TNKS: variants seen among roughly 807,000 people sequenced by gnomAD.
The protein encoded by TNKS is poly [ADP-ribose] polymerase tankyrase-1.
A neutral mutation model predicts 135.8 loss-of-function variants in TNKS; 72 were observed. That is an observed-to-expected ratio of 0.53 (90% CI 0.44 to 0.64). The LOEUF (loss-of-function observed/expected upper bound fraction) is 0.64, where lower values mean the gene tolerates loss of function less well. Among genes scored for constraint, TNKS ranks in the 30% least tolerant of loss-of-function variants. The pLI, the probability that TNKS is intolerant of heterozygous loss-of-function variation, is 0.00. For missense variants in TNKS, 1,769 were observed against 1,674.0 expected (o/e 1.06, Z -0.99); for synonymous variants, 849 against 649.3 (o/e 1.31, Z -4.68).
intron 17 of TNKS, among the ~76,000 whole-genome samples, chr8:9,744,955 A>C (rs186360849): frequency 7.9e-5 from 12 of 152,348 alleles, no homozygotes; most frequent in Admixed American, 7.2e-4. Flanking sequence ...CACATACAGA[A>C]ACAGGTAATT....
At chr8:9,743,895 T>G (rs1372184908) in intron 17 of TNKS, among the ~76,000 whole-genome samples, 1 of 152,226 alleles carries the variant, frequency 6.6e-6, no homozygotes, top group African/African-American at 2.4e-5. Flanking sequence ...CTGTGTTAAA[T>G]AAACACAGAT....
chr8:9,643,376 C>T (rs1447527124), intron 3 of TNKS, among the ~76,000 whole-genome samples: 1 of 145,522 alleles, frequency 6.9e-6, no homozygotes, highest in Non-Finnish European at 1.5e-5. Context: ...AGCAGGAGAG[C>T]AAGAAGGGAC....
At chr8:9,617,545 T>A (rs1396423431) in intron 3 of TNKS, among the ~76,000 whole-genome samples, 1 of 152,242 alleles carries the variant, frequency 6.6e-6, no homozygotes, top group Non-Finnish European at 1.5e-5. Flanking sequence ...TCTACATTCA[T>A]GCTATATAAT....
chr8:9,776,710 G>C lies in TNKS; in HGVS notation c.3958G>C (p.Ala1320Pro). Residue 1320 changes from alanine (A) to proline (P), a missense_variant, in exon 27 of 27, where the codon GCA becomes CCA. This residue lies in a region of TNKS where 722 missense variants were observed against 688.9 expected (regional missense o/e 1.05). Transcript: ENST00000310430. Reference protein sequence around the residue: ...IMKPEAPSQTATAAEQKT With the variant: ...IMKPEAPSQTPTAAEQKT ...GAAGCCAGAAGCCCCTTCCCAGACCGCAACAGCCGCAGAGCAGAAGACCTA... is the reference window on the plus strand; with the variant it reads ...GAAGCCAGAAGCCCCTTCCCAGACCCCAACAGCCGCAGAGCAGAAGACCTA... The C allele has an allele frequency of 1.9e-6, 3 of 1,613,892 alleles. No individual in the cohort carries two copies. Among genetic ancestry groups the C allele is most frequent in the Non-Finnish European group, 2.5e-6 (3 of 1,179,896 alleles).
At chr8:9,693,099 ATATTT>A (rs1563171071) in intron 5 of TNKS, among the ~76,000 whole-genome samples, 1 of 152,194 alleles carries the variant, frequency 6.6e-6, no homozygotes, top group Non-Finnish European at 1.5e-5. Context: ...GGCTAATGTA[ATATTT>A]TATTTTTAGA....
chr8:9,704,849 T>C, intron 6 of TNKS, 92 bp downstream of exon 6: 1 of 916,656 alleles, frequency 1.1e-6, no homozygotes, highest in South Asian at 1.8e-5. Context: ...ATGTCCCATT[T>C]GTTACGGCTT....
Position 9,733,351 on chromosome 8 carries a change from G to T in TNKS, c.2220G>T (p.Gly740=), listed in dbSNP as rs375885858. 2.5e-6 allele frequency: 4 copies of T among 1,612,258 alleles called. No homozygotes were observed. Among genetic ancestry groups the T allele is most frequent in the Non-Finnish European group, 3.4e-6 (4 of 1,179,410 alleles). ...TGGCTGAGCTTTTAGTAAGGCATGG[G>T]GCTTCTGTCAATGTGGCGGACTTAT... ...YEVAELLVRH[G]ASVNVADLWK... is the part of the protein sequence containing the mutation. The change falls in exon 15 of 27, where the codon GGG becomes GGT. Residue 740 remains glycine (G), a synonymous_variant. Coordinates refer to ENST00000310430, the MANE Select transcript of TNKS (RefSeq NM_003747.3).
At chr8:9,770,554 T>C (rs1051692241) in intron 26 of TNKS, among the ~76,000 whole-genome samples, 2 of 152,206 alleles carry the variant, frequency 1.3e-5, no homozygotes, top group Non-Finnish European at 1.5e-5. Flanking sequence ...AACTAATGCC[T>C]TGTGCCACTT....
chr8:9,580,187 C>T lies in TNKS; in HGVS notation c.702C>T (p.His234=), dbSNP rs375073918. 1 of 1,614,114 alleles carries T rather than the reference C, an allele frequency of 6.2e-7. No individual in the cohort carries two copies. Among genetic ancestry groups the T allele is most frequent in the African/African-American group, 1.3e-5 (1 of 75,034 alleles). ...AGFGRKDVVE[H]LLQMGANVHA... is the part of the protein sequence containing the mutation. ...TTGGAAGGAAGGATGTTGTAGAACA[C>T]TTACTACAGATGGGTGCTAATGTCC... The change falls in exon 2 of 27, where the codon CAC becomes CAT. Residue 234 remains histidine (H), a synonymous_variant. Transcript: ENST00000310430.
chr8:9,698,092 C>T (rs1251364203), intron 5 of TNKS, among the ~76,000 whole-genome samples: 2 of 151,852 alleles, frequency 1.3e-5, no homozygotes, highest in Non-Finnish European at 2.9e-5. Context: ...GAAGTCATGC[C>T]CTTTGCAGCA....
chr8:9,672,676 ACACATACACAC>A (rs1802338288), intron 3 of TNKS, among the ~76,000 whole-genome samples: 2 of 114,432 alleles, frequency 1.7e-5, no homozygotes, highest in Non-Finnish European at 3.7e-5. Context: ...AAAAAAAAAA[ACACATACACAC>A]ACACACACAC....
At chr8:9,623,434 CTT>C (rs80125974) in intron 3 of TNKS, among the ~76,000 whole-genome samples, 114,429 of 141,152 alleles carry the variant, frequency 0.81, 46,322 homozygotes, top group Middle Eastern at 0.87. Flanking sequence ...GTGAAACACA[CTT>C]TTTTTTTTTT....
rs772466595 is a variant in TNKS, at chr8:9,580,338, C to T, written c.853C>T (p.Pro285Ser). The change falls in exon 2 of 27, where the codon CCT becomes TCT. Residue 285 changes from proline (P) to serine (S), a missense_variant. Pro to Ser is a moderately conservative substitution (Grantham distance 74). Around this residue, in one of 5 missense-constraint regions of TNKS, gnomAD observed 523 missense variants for 541.0 expected, o/e 0.97. Coordinates refer to ENST00000310430, the MANE Select transcript of TNKS (RefSeq NM_003747.3). Reference protein sequence around the residue: ...PNARDNWNYTPLHEAAIKGKI... With the variant: ...PNARDNWNYTSLHEAAIKGKI... ...TGCCAGGGATAACTGGAACTATACACCTCTGCATGAAGCTGCTATTAAAGG... is the reference window on the plus strand; with the variant it reads ...TGCCAGGGATAACTGGAACTATACATCTCTGCATGAAGCTGCTATTAAAGG... 2 of 1,614,132 alleles carry T rather than the reference C, an allele frequency of 1.2e-6. No homozygotes were observed. Among genetic ancestry groups the T allele is most frequent in the East Asian group, 2.2e-5 (1 of 44,882 alleles).
chr8:9,761,155 G>T (rs1021226495), intron 20 of TNKS, among the ~76,000 whole-genome samples: 3 of 152,166 alleles, frequency 2.0e-5, no homozygotes, highest in African/African-American at 7.2e-5. Context: ...TGGATACTAG[G>T]ATCTGGTGTT....
intron 3 of TNKS, among the ~76,000 whole-genome samples, chr8:9,616,792 A>C (rs1799661455): frequency 6.6e-6 from 1 of 152,196 alleles, no homozygotes; most frequent in Non-Finnish European, 1.5e-5. Context: ...TAGAGTAATA[A>C]ACCTACTTAA....
chr8:9,565,811 C>G (rs1324511938), intron 1 of TNKS, among the ~76,000 whole-genome samples: 1 of 151,988 alleles, frequency 6.6e-6, no homozygotes, highest in Non-Finnish European at 1.5e-5. Context: ...GAGCCGAGAT[C>G]ACGCCACTGC....
intron 9 of TNKS, among the ~76,000 whole-genome samples, chr8:9,709,179 C>T (rs189248096): frequency 4.6e-5 from 7 of 152,152 alleles, no homozygotes; most frequent in Admixed American, 3.3e-4. Context: ...AAAGATCAAA[C>T]GTTTGTCAGT....
intron 3 of TNKS, among the ~76,000 whole-genome samples, chr8:9,619,486 G>A (rs1478250626): frequency 2.0e-5 from 3 of 152,196 alleles, no homozygotes; most frequent in East Asian, 3.9e-4. Context: ...GATGTAAAGT[G>A]AGTGAGTTTA....
intron 1 of TNKS, among the ~76,000 whole-genome samples, chr8:9,560,493 CTTT>C (rs535715245): frequency 0.023 from 974 of 41,710 alleles, 3 homozygotes; most frequent in East Asian, 0.058. Context: ...CCATACTTGT[CTTT>C]TTTTTTTTTT....
Sources: allele counts gnomAD v4.1 joint callset (sites outside exome capture counted in the v4.1 genomes callset), GRCh38; gene constraint gnomAD v4.1.1; regional missense constraint gnomAD v4.1.1; transcripts MANE v1.5; gene names NCBI Gene and HGNC (gene_info 2026-07-23, HGNC 2026-07-21).